The following TENM2 variants were observed in gnomAD, a reference collection of about 807,000 sequenced individuals.
TENM2 encodes teneurin-2.
TENM2 carries 52 observed loss-of-function variants against 245.2 expected under a neutral mutation model. The observed-to-expected ratio is 0.21, with a 90% CI of 0.17 to 0.27. TENM2 has a LOEUF of 0.27. TENM2 is among the 10% of genes least tolerant of loss of function. TENM2 has a pLI of 1.00. For missense variants in TENM2, 3,046 were observed against 3,666.8 expected (o/e 0.83, Z 4.37); for synonymous variants, 1,363 against 1,438.9 (o/e 0.95, Z 1.19).
At chr5:167,340,165 C>T (rs879784805) in intron 1 of TENM2, among the ~76,000 whole-genome samples, 4 of 152,174 alleles carry the variant, frequency 2.6e-5, no homozygotes, top group Non-Finnish European at 5.9e-5. Context: ...CCTCCAATTT[C>T]TAATATTTCC....
chr5:167,656,366 G>A (rs892909864), intron 2 of TENM2, among the ~76,000 whole-genome samples: 6 of 152,210 alleles, frequency 3.9e-5, no homozygotes, highest in South Asian at 2.1e-4. Context: ...GCATGAGCAC[G>A]CATGGCCTGT....
intron 10 of TENM2, among the ~76,000 whole-genome samples, chr5:168,119,355 A>G (rs1077047): frequency 0.28 from 42,869 of 152,162 alleles, 6,374 homozygotes; most frequent in Admixed American, 0.44. Flanking sequence ...ATACAGGAAC[A>G]GGGAGAAAGA....
At position 167,992,510 on chromosome 5, in the gene TENM2, A is replaced by G. The variant is rs928622283; in HGVS notation, c.948-434A>G. ...ATAGCACATTATCTTTACCTGGGTG[A>G]CAAAATAATCTGTACATCAAATGCC... On this transcript the variant is annotated intron_variant, in intron 4 of 28. Coordinates refer to ENST00000518659, the Ensembl canonical transcript of TENM2. Among the ~76,000 whole-genome samples the G allele has an allele frequency of 2.2e-4, 34 of 152,224 alleles. 1 individual carries two copies. Among genetic ancestry groups the G allele is most frequent in the African/African-American group, 8.2e-4 (34 of 41,456 alleles).
At chr5:167,181,332 T>C in the TENM2 span, among the ~76,000 whole-genome samples, 1 of 152,250 alleles carries the variant, frequency 6.6e-6, no homozygotes, top group Non-Finnish European at 1.5e-5. Flanking sequence ...TTTTTCTTCT[T>C]CCTTCTCACC....
chr5:168,187,174 T>C (rs1349440915), intron 13 of TENM2: 1 of 152,224 alleles, frequency 6.6e-6, no homozygotes, highest in Non-Finnish European at 1.5e-5. Context: ...CTATTGCTGA[T>C]GTGCTTAGGC....
intron 3 of TENM2, among the ~76,000 whole-genome samples, chr5:167,902,583 A>C (rs1775791231): frequency 6.6e-6 from 1 of 152,162 alleles, no homozygotes; most frequent in Non-Finnish European, 1.5e-5. Flanking sequence ...CCTCCTCAGG[A>C]GGAAAACTGA....
At chr5:168,236,641 T>C (rs964423929) in intron 25 of TENM2, among the ~76,000 whole-genome samples, 1 of 152,068 alleles carries the variant, frequency 6.6e-6, no homozygotes, top group African/African-American at 2.4e-5. Context: ...AAAATGGTTT[T>C]TGTTGTTGGC....
chr5:167,702,555 TATATATATATATATATAC>T (rs1037802008), intron 2 of TENM2, among the ~76,000 whole-genome samples: 5 of 145,866 alleles, frequency 3.4e-5, no homozygotes, highest in African/African-American at 7.5e-5. Flanking sequence ...TGTGTGTGTA[TATATATATATATATATAC>T]ATATATATAT....
At chr5:168,066,887 G>T (rs768063130) in intron 7 of TENM2, among the ~76,000 whole-genome samples, 3 of 152,218 alleles carry the variant, frequency 2.0e-5, no homozygotes, top group African/African-American at 4.8e-5. Flanking sequence ...TGGCTACAGT[G>T]CTAGGTGTCA....
the TENM2 span, among the ~76,000 whole-genome samples, chr5:167,207,238 C>T: frequency 1.3e-5 from 2 of 152,254 alleles, no homozygotes; most frequent in Non-Finnish European, 1.5e-5. Flanking sequence ...CCTTGAAACA[C>T]GTGATGGTGC....
intron 4 of TENM2, among the ~76,000 whole-genome samples, chr5:167,967,407 G>T (rs1781462164): frequency 6.6e-6 from 1 of 152,134 alleles, no homozygotes; most frequent in South Asian, 2.1e-4. Context: ...ATTACAAGGT[G>T]CATTAAGAAA....
intron 7 of TENM2, among the ~76,000 whole-genome samples, chr5:168,062,890 G>A (rs942633936): frequency 1.3e-5 from 2 of 152,134 alleles, no homozygotes; most frequent in Non-Finnish European, 2.9e-5. Context: ...CTGCCACGGG[G>A]TTTTTGGGGG....
At chr5:167,334,919 A>T (rs575969249) in intron 1 of TENM2, among the ~76,000 whole-genome samples, 1 of 152,334 alleles carries the variant, frequency 6.6e-6, no homozygotes, top group South Asian at 2.1e-4. Context: ...GATGATATTT[A>T]ACTCAAATTT....
chr5:167,795,505 G>A (rs55855842), intron 2 of TENM2, among the ~76,000 whole-genome samples: 16,422 of 152,024 alleles, frequency 0.11, 931 homozygotes, highest in South Asian at 0.13. Flanking sequence ...AATTAAGTTA[G>A]ATTTTGCAAG....
intron 2 of TENM2, among the ~76,000 whole-genome samples, chr5:167,455,777 T>G (rs200835946): frequency 5.9e-4 from 90 of 152,268 alleles, no homozygotes; most frequent in East Asian, 3.1e-3. Context: ...GATTATAGTT[T>G]TCAAGCTTGT....
chr5:167,887,137 A>G (rs113035171), intron 3 of TENM2, among the ~76,000 whole-genome samples: 2 of 152,322 alleles, frequency 1.3e-5, no homozygotes, highest in African/African-American at 4.8e-5. Flanking sequence ...CCCAACTAGA[A>G]CTTCCCTTTT....
At chr5:168,121,446 C>T (rs1795460924) in intron 10 of TENM2, among the ~76,000 whole-genome samples, 1 of 152,152 alleles carries the variant, frequency 6.6e-6, no homozygotes, top group Non-Finnish European at 1.5e-5. Flanking sequence ...TTAGTTATTC[C>T]ATCCACTGCT....
In TENM2 at chr5:167,694,773, T is replaced by C. The variant is rs554610847; in HGVS notation, c.503-181213T>C. 4.6e-5 allele frequency among the ~76,000 whole-genome samples: 7 copies of C among 152,318 alleles called. No individual in the cohort carries two copies. The South Asian group carries it at 1.5e-3, about 32-fold the overall frequency. ...TAAGTGCGTTAAGTGAAACTAACTA[T>C]AGAAGCTCACTGAAACTGGACCGTG... On this transcript the variant is annotated intron_variant, in intron 2 of 28. Transcript: ENST00000518659.
At chr5:167,804,327 C>A (rs1765994180) in intron 2 of TENM2, among the ~76,000 whole-genome samples, 1 of 151,906 alleles carries the variant, frequency 6.6e-6, no homozygotes, top group Non-Finnish European at 1.5e-5. Context: ...TTGCCGTAAG[C>A]CCTGTTTGCA....
Sources: gnomAD v4.1 joint callset for allele counts (sites outside exome capture counted in the v4.1 genomes callset) on GRCh38, gnomAD v4.1.1 for gene constraint, MANE v1.5 for transcripts, NCBI Gene and HGNC (gene_info 2026-07-23, HGNC 2026-07-21) for gene names.